The following TUBB8 variants were observed in gnomAD, a reference collection of about 807,000 sequenced individuals.
The protein encoded by TUBB8 is tubulin beta 8 class VIII.
TUBB8 carries 25 observed loss-of-function variants against 33.7 expected under a neutral mutation model. That is an observed-to-expected ratio of 0.74 (90% CI 0.54 to 1.04). TUBB8 has a LOEUF of 1.04. Among genes scored for constraint, TUBB8 ranks in the 50% least tolerant of loss-of-function variants. The probability of loss-of-function intolerance (pLI) is 0.00; values close to 1 mark genes in which losing one functional copy is unlikely to be tolerated. For missense variants in TUBB8, 279 were observed against 608.0 expected, an observed-to-expected ratio of 0.46 and a Z score of 5.69; for synonymous variants, 245 against 240.1, an observed-to-expected ratio of 1.02 and a Z score of -0.19.
chr10:63,970 C>A (rs560578711), intron 1 of TUBB8, among the ~76,000 whole-genome samples: 2 of 152,274 alleles, frequency 1.3e-5, no homozygotes, highest in South Asian at 4.1e-4. Context: ...ACTTAGGTCC[C>A]AAGCCCAATA....
intron 1 of TUBB8, among the ~76,000 whole-genome samples, chr10:71,738 G>A (rs1554742336): frequency 6.6e-6 from 1 of 151,320 alleles, no homozygotes; most frequent in Non-Finnish European, 1.5e-5. Context: ...ACAAACCTGA[G>A]GGACATAAAG....
intron 1 of TUBB8, among the ~76,000 whole-genome samples, chr10:67,987 A>T (rs1377055747): frequency 0.15 from 17,213 of 116,152 alleles, no homozygotes; most frequent in African/African-American, 0.28. Context: ...CCCGGCTTTC[A>T]TTCTAAAATT....
chr10:51,307 C>A (rs1834466217), upstream of TUBB8, among the ~76,000 whole-genome samples: 1 of 152,170 alleles, frequency 6.6e-6, no homozygotes, highest in South Asian at 2.1e-4. Context: ...CGAGGTTTCA[C>A]CATGTCGGCC....
intron 1 of TUBB8, among the ~76,000 whole-genome samples, chr10:55,607 T>G (rs1554740086): frequency 6.6e-6 from 1 of 152,242 alleles, no homozygotes; most frequent in Non-Finnish European, 1.5e-5. Flanking sequence ...TTGTAAAATT[T>G]TGATAGTTTG....
chr10:74,411 G>A (rs537380544), upstream of TUBB8, among the ~76,000 whole-genome samples: 2 of 151,218 alleles, frequency 1.3e-5, no homozygotes, highest in Admixed American at 1.3e-4. Context: ...CGGATCACTC[G>A]AGGTCAGGAA....
chr10:72,942 G>A (rs1206112247), intron 1 of TUBB8, among the ~76,000 whole-genome samples: 2 of 150,886 alleles, frequency 1.3e-5, no homozygotes, highest in Non-Finnish European at 2.9e-5. Flanking sequence ...TAACCTTAAC[G>A]AAATCTGATT....
chr10:66,193 A>C (rs1311308959), intron 1 of TUBB8, among the ~76,000 whole-genome samples: 1 of 152,256 alleles, frequency 6.6e-6, no homozygotes, highest in Non-Finnish European at 1.5e-5. Context: ...AACAGTACAA[A>C]TGGCTACTCA....
At chr10:62,753 C>A (rs1310950582) in intron 1 of TUBB8, among the ~76,000 whole-genome samples, 2 of 152,180 alleles carry the variant, frequency 1.3e-5, no homozygotes, top group African/African-American at 2.4e-5. Context: ...GACTTTTTGC[C>A]AAATACATTA....
chr10:49,813 G>A, upstream of TUBB8: 1 of 337,574 alleles, frequency 3.0e-6, no homozygotes, highest in South Asian at 2.3e-5. Context: ...TTTAGAGTAG[G>A]GTTAGCCCTT....
At chr10:62,471 T>C (rs1159911964) in intron 1 of TUBB8, among the ~76,000 whole-genome samples, 1 of 152,256 alleles carries the variant, frequency 6.6e-6, no homozygotes, top group African/African-American at 2.4e-5. Context: ...CTTGGAAATA[T>C]GTTGTAGTTA....
chr10:59,455 C>T (rs189744102), intron 1 of TUBB8, among the ~76,000 whole-genome samples: 141 of 152,356 alleles, frequency 9.3e-4, no homozygotes, highest in African/African-American at 3.1e-3. Context: ...TCCAAAAGTG[C>T]TGGGATTACA....
chr10:66,245 A>G (rs1286421134), intron 1 of TUBB8, among the ~76,000 whole-genome samples: 1 of 152,248 alleles, frequency 6.6e-6, no homozygotes, highest in Non-Finnish European at 1.5e-5. Context: ...TATCATGACA[A>G]ACCCCCAAAA....
upstream of TUBB8, among the ~76,000 whole-genome samples, chr10:75,175 G>A (rs1334572470): frequency 1.1e-5 from 1 of 88,946 alleles, no homozygotes; most frequent in Non-Finnish European, 2.5e-5. Flanking sequence ...GAGCCACCGC[G>A]CCCAGCCAAA....
rs782295815 is a variant in TUBB8 at position 47,029 on chromosome 10, T to A, written c.*28A>T. On this transcript the variant is annotated 3_prime_UTR_variant, in exon 4 of 4. Transcript: ENST00000568584. ...AACACAGTAAAGAATCCACACTGCT[T>A]CCCCCCTTTACCTAGAAAAGGAGAG... The A allele has an allele frequency of 5.4e-6, 4 of 735,290 alleles. No individual in the cohort carries two copies. The South Asian group carries it at 6.6e-5, about 12-fold the overall frequency. 45.5% of individuals were successfully genotyped at this position (735,290 alleles called of 1,614,324 possible). A position where few individuals can be genotyped will look rare whatever the true frequency, so the allele number is the denominator to read the frequency against.
At chr10:56,363 G>A (rs1482270065) in intron 1 of TUBB8, among the ~76,000 whole-genome samples, 2 of 152,114 alleles carry the variant, frequency 1.3e-5, no homozygotes, top group African/African-American at 2.4e-5. Flanking sequence ...ACTTCTAATA[G>A]TTTTTTGATG....
chr10:47,080 A>G lies in TUBB8; in HGVS notation c.1312T>C (p.Tyr438His), dbSNP rs1332681503. ...ATAEEEEDEE[Y>H]AEEEVA Reference sequence around the variant, plus strand: ...TTCTAGGCCACCTCCTCCTCGGCATACTCCTCATCCTCCTCCTCCTCGGCC... The same window carrying G: ...TTCTAGGCCACCTCCTCCTCGGCATGCTCCTCATCCTCCTCCTCCTCGGCC... Residue 438 changes from tyrosine to histidine, a missense_variant, in exon 4 of 4, where the codon TAT becomes CAT. Around this residue, in one of 4 missense-constraint regions of TUBB8, gnomAD observed 123 missense variants for 228.9 expected, o/e 0.54. Coordinates refer to ENST00000568584, the MANE Select transcript of TUBB8 (RefSeq NM_177987.3). The G allele has an allele frequency of 7.7e-7, 1 of 1,294,844 alleles. No homozygotes were observed. The highest frequency in any genetic ancestry group is 1.1e-6 in the Non-Finnish European group (1 of 902,928). The allele number at this position is 1,294,844 out of a possible 1,614,324, so 80.2% of individuals were successfully genotyped here.
intron 1 of TUBB8, among the ~76,000 whole-genome samples, chr10:71,740 G>C (rs1554742339): frequency 6.6e-6 from 1 of 150,736 alleles, no homozygotes; most frequent in Non-Finnish European, 1.5e-5. Context: ...AAACCTGAGG[G>C]ACATAAAGAT....
At chr10:60,074 G>C (rs1250835047) in intron 1 of TUBB8, among the ~76,000 whole-genome samples, 1 of 151,960 alleles carries the variant, frequency 6.6e-6, no homozygotes, top group African/African-American at 2.4e-5. Context: ...TCAACTTTTT[G>C]TTTCATTGAT....
rs1242831097 is a variant in TUBB8, at chr10:62,929, TA to T, written c.-846+11039del. On this transcript the variant is annotated intron_variant, in intron 1 of 3. Coordinates refer to the TUBB8 transcript ENST00000564130. ...GCTTTTAGAATCATTTCTTTATCCT[TA>T]ACCTTTGGGAGTTCAGTTAAGTGCC... Among the ~76,000 whole-genome samples the T allele has an allele frequency of 2.2e-4, 33 of 152,232 alleles. 1 individual carries two copies. The highest frequency in any genetic ancestry group is 2.0e-4 in the Admixed American group (3 of 15,282).
Sources: gnomAD v4.1 joint callset for allele counts (sites outside exome capture counted in the v4.1 genomes callset) on GRCh38, gnomAD v4.1.1 for gene constraint, gnomAD v4.1.1 regional missense constraint, MANE v1.5 for transcripts, NCBI Gene and HGNC (gene_info 2026-07-23, HGNC 2026-07-21) for gene names.